Variants in UTRN observed in about 807,000 individuals in gnomAD.
UTRN encodes the protein dystrophin-related protein 1.
In UTRN, 283 loss-of-function variants were observed where a neutral mutation model predicts 463.9. The ratio of observed to expected loss-of-function variants is 0.61; its 90% CI spans 0.55 to 0.67. The LOEUF is 0.67. Ranked by LOEUF, UTRN falls within the 30% of genes least tolerant of loss-of-function variation. UTRN has a pLI of 0.00. For synonymous variants in UTRN, 1,442 were observed against 1,431.5 expected, an observed-to-expected ratio of 1.01 and a Z score of -0.17; for missense variants, 3,922 against 4,084.3, an observed-to-expected ratio of 0.96 and a Z score of 1.08.
chr6:144,642,432 G>A (rs1299110298), intron 51 of UTRN, among the ~76,000 whole-genome samples: 1 of 152,016 alleles, frequency 6.6e-6, no homozygotes, highest in African/African-American at 2.4e-5. Flanking sequence ...AATCCCAAGA[G>A]GCAAAAGTAA....
At chr6:144,290,595 A>G in intron 1 of UTRN, among the ~76,000 whole-genome samples, 1 of 152,176 alleles carries the variant, frequency 6.6e-6, no homozygotes. Context: ...TATTACTATG[A>G]AAAAATTCTC....
chr6:144,753,635 A>T (rs1188892589), intron 56 of UTRN, among the ~76,000 whole-genome samples: 1 of 144,404 alleles, frequency 6.9e-6, no homozygotes, highest in East Asian at 2.0e-4. Flanking sequence ...TAAAACAAAA[A>T]CAAAGATGTG....
chr6:144,431,971 T>A (rs1051854542), intron 9 of UTRN, among the ~76,000 whole-genome samples: 21 of 152,204 alleles, frequency 1.4e-4, no homozygotes, highest in African/African-American at 4.1e-4. Flanking sequence ...GCAGCCTTCA[T>A]ACTCATTTTT....
At chr6:144,307,787 A>G (rs962813670) in intron 2 of UTRN, among the ~76,000 whole-genome samples, 3 of 151,496 alleles carry the variant, frequency 2.0e-5, no homozygotes, top group African/African-American at 7.3e-5. Context: ...AAATAATCAG[A>G]CATAGATTAC....
At chr6:144,603,962 G>A (rs543794534) in intron 51 of UTRN, among the ~76,000 whole-genome samples, 1 of 152,258 alleles carries the variant, frequency 6.6e-6, no homozygotes, top group East Asian at 1.9e-4. Flanking sequence ...AATTATAGGG[G>A]TGTGTTTGAA....
intron 50 of UTRN, among the ~76,000 whole-genome samples, chr6:144,565,369 T>C (rs1175215972): frequency 3.3e-5 from 5 of 152,214 alleles, no homozygotes; most frequent in African/African-American, 9.6e-5. Flanking sequence ...TCAGATGTTC[T>C]GGACCTCAGA....
chr6:144,412,132 A>G (rs951392862), intron 3 of UTRN, among the ~76,000 whole-genome samples: 1 of 152,204 alleles, frequency 6.6e-6, no homozygotes, highest in African/African-American at 2.4e-5. Flanking sequence ...CACATTTTAT[A>G]ATTGAGATGA....
At chr6:144,758,148 A>G (rs1792218150) in intron 58 of UTRN, 159 bp downstream of exon 58, 2 of 554,838 alleles carry the variant, frequency 3.6e-6, no homozygotes, top group Non-Finnish European at 6.2e-6. Context: ...TACTTTTAAC[A>G]TGAGAATTAT....
chr6:144,600,474 T>C (rs564400736), intron 51 of UTRN, among the ~76,000 whole-genome samples: 2 of 152,336 alleles, frequency 1.3e-5, no homozygotes, highest in Non-Finnish European at 2.9e-5. Context: ...ATTTTAGTGG[T>C]CTGGATAGAA....
chr6:144,770,900 A>C (rs1161861477), intron 58 of UTRN, among the ~76,000 whole-genome samples: 2 of 152,182 alleles, frequency 1.3e-5, no homozygotes, highest in Non-Finnish European at 2.9e-5. Context: ...AAGAAAGGGT[A>C]GATTTGCACT....
At chr6:144,738,975 A>G (rs1032493518) in intron 54 of UTRN, among the ~76,000 whole-genome samples, 1 of 152,174 alleles carries the variant, frequency 6.6e-6, no homozygotes, top group African/African-American at 2.4e-5. Context: ...GTATGTGTGT[A>G]TGTGCATATA....
At chr6:144,496,771 T>C (rs1289962130) in intron 33 of UTRN, among the ~76,000 whole-genome samples, 1 of 152,128 alleles carries the variant, frequency 6.6e-6, no homozygotes. Context: ...TTTAAGAGTA[T>C]AGGTAAAGGG....
At chr6:144,611,081 C>T (rs918584371) in intron 51 of UTRN, among the ~76,000 whole-genome samples, 1 of 152,104 alleles carries the variant, frequency 6.6e-6, no homozygotes, top group Non-Finnish European at 1.5e-5. Context: ...TGTGATACAT[C>T]ACAGTAACAA....
intron 53 of UTRN, among the ~76,000 whole-genome samples, chr6:144,718,146 A>C (rs1290275605): frequency 6.6e-6 from 1 of 152,154 alleles, no homozygotes; most frequent in Non-Finnish European, 1.5e-5. Flanking sequence ...AAGAGCTGAG[A>C]AACATGGTAG....
chr6:144,593,205 CACAA>C (rs1463486874), intron 51 of UTRN, among the ~76,000 whole-genome samples: 6 of 152,180 alleles, frequency 3.9e-5, no homozygotes, highest in East Asian at 1.9e-4. Flanking sequence ...GAACAAAATG[CACAA>C]ACAAAGCAAC....
intron 73 of UTRN, among the ~76,000 whole-genome samples, chr6:144,843,952 A>G (rs1402600403): frequency 6.6e-6 from 1 of 152,218 alleles, no homozygotes; most frequent in Non-Finnish European, 1.5e-5. Flanking sequence ...CTGAATGAGC[A>G]TTACTAGTCA....
At chr6:144,416,226 A>AC (rs1784352617) in intron 3 of UTRN, among the ~76,000 whole-genome samples, 1 of 152,174 alleles carries the variant, frequency 6.6e-6, no homozygotes, top group Non-Finnish European at 1.5e-5. Context: ...GCCTGTAGAC[A>AC]AGATCTATTT....
In UTRN at chr6:144,416,783, A is replaced by G. The variant is rs988317205; in HGVS notation, c.142-5095A>G. Among the ~76,000 whole-genome samples the G allele has an allele frequency of 6.6e-5, 10 of 152,172 alleles. No individual in the cohort carries two copies. The South Asian group carries it at 2.1e-3, about 32-fold the overall frequency. On this transcript the variant is annotated intron_variant, in intron 3 of 74. Transcript: ENST00000367545. ...TTCAAGTTCAAGACTGTTCATTTATACCATTTTGTATTTATTGGAAAACTA... is the reference window on the plus strand; with the variant it reads ...TTCAAGTTCAAGACTGTTCATTTATGCCATTTTGTATTTATTGGAAAACTA...
At chr6:144,346,910 T>TATC (rs1402552466) in intron 2 of UTRN, among the ~76,000 whole-genome samples, 105 of 146,382 alleles carry the variant, frequency 7.2e-4, no homozygotes, top group African/African-American at 2.6e-3. Context: ...ATCTATCATC[T>TATC]ATCTATCTAT....
Sources: gnomAD v4.1 joint callset for allele counts (sites outside exome capture counted in the v4.1 genomes callset) on GRCh38, gnomAD v4.1.1 for gene constraint, MANE v1.5 for transcripts, NCBI Gene and HGNC (gene_info 2026-07-23, HGNC 2026-07-21) for gene names.